NAV3: variants seen among roughly 807,000 people sequenced by gnomAD.
The protein encoded by NAV3 is pore membrane and/or filament interacting like protein 1.
A neutral mutation model predicts 244.7 loss-of-function variants in NAV3; 87 were observed. That is an observed-to-expected ratio of 0.36 (90% CI 0.30 to 0.42). The LOEUF (loss-of-function observed/expected upper bound fraction) is 0.42. Among genes scored for constraint, NAV3 ranks in the 20% least tolerant of loss-of-function variants. NAV3 has a pLI of 1.00. For synonymous variants in NAV3, 1,126 were observed against 1,042.2 expected, an observed-to-expected ratio of 1.08 and a Z score of -1.55; for missense variants, 2,663 against 2,893.3, an observed-to-expected ratio of 0.92 and a Z score of 1.83.
intron 12 of NAV3, among the ~76,000 whole-genome samples, chr12:78,109,885 C>T (rs754955765): frequency 1.3e-5 from 2 of 151,902 alleles, no homozygotes; most frequent in African/African-American, 2.4e-5. Context: ...AGAACTGGAA[C>T]AAGACAAGGA....
At chr12:77,610,264 GC>G (rs1227863032) in intron 2 of NAV3, among the ~76,000 whole-genome samples, 7 of 152,030 alleles carry the variant, frequency 4.6e-5, no homozygotes, top group Non-Finnish European at 7.4e-5. Flanking sequence ...AACCTCAAGT[GC>G]TGTCATGTAG....
chr12:77,855,760 C>T (rs1011581915), intron 1 of NAV3, among the ~76,000 whole-genome samples: 1 of 152,170 alleles, frequency 6.6e-6, no homozygotes, highest in Non-Finnish European at 1.5e-5. Context: ...GGGCCCTAGC[C>T]GACAGCTAGC....
chr12:78,007,780 A>G (rs887754209), intron 8 of NAV3, among the ~76,000 whole-genome samples: 2 of 152,212 alleles, frequency 1.3e-5, no homozygotes, highest in Non-Finnish European at 2.9e-5. Context: ...TTCTATTACT[A>G]GCGGCAGACT....
intron 2 of NAV3, among the ~76,000 whole-genome samples, chr12:77,633,596 A>G (rs1431466709): frequency 6.6e-6 from 1 of 152,138 alleles, no homozygotes; most frequent in Non-Finnish European, 1.5e-5. Flanking sequence ...TTCACTTAAA[A>G]TATTTAAGGA....
At chr12:77,752,746 G>T (rs1403720767) in intron 2 of NAV3, among the ~76,000 whole-genome samples, 1 of 152,052 alleles carries the variant, frequency 6.6e-6, no homozygotes. Flanking sequence ...AATTAAATAA[G>T]GCAAGCGACT....
chr12:77,625,457 C>A (rs914788834), intron 2 of NAV3, among the ~76,000 whole-genome samples: 1 of 150,324 alleles, frequency 6.7e-6, no homozygotes. Flanking sequence ...GGCTCGAGCT[C>A]CTTAAAGAAA....
chr12:77,915,106 C>G (rs1886994169), intron 1 of NAV3, among the ~76,000 whole-genome samples: 1 of 152,038 alleles, frequency 6.6e-6, no homozygotes, highest in Non-Finnish European at 1.5e-5. Context: ...ATCTTCTTCT[C>G]TTCCTTCTCT....
intron 1 of NAV3, among the ~76,000 whole-genome samples, chr12:77,837,601 G>A (rs1299172591): frequency 6.6e-6 from 1 of 152,138 alleles, no homozygotes; most frequent in Non-Finnish European, 1.5e-5. Flanking sequence ...GAATGTGGTA[G>A]AATAGAGATT....
intron 1 of NAV3, among the ~76,000 whole-genome samples, chr12:77,909,339 C>G (rs1407142435): frequency 1.3e-5 from 2 of 151,924 alleles, no homozygotes; most frequent in Non-Finnish European, 2.9e-5. Context: ...AGAGCTTTGT[C>G]CATCCGGGTA....
chr12:77,859,847 T>A (rs1878993629), intron 1 of NAV3, among the ~76,000 whole-genome samples: 1 of 151,250 alleles, frequency 6.6e-6, no homozygotes, highest in South Asian at 2.1e-4. Flanking sequence ...ATGATAATTT[T>A]GCCCTGAATT....
intron 9 of NAV3, among the ~76,000 whole-genome samples, chr12:78,023,653 T>C (rs1877522318): frequency 6.6e-6 from 1 of 152,178 alleles, no homozygotes; most frequent in Non-Finnish European, 1.5e-5. Context: ...TGAGATTTCC[T>C]GGAAGAATTG....
intron 2 of NAV3, among the ~76,000 whole-genome samples, chr12:77,758,210 C>T (rs1238157337): frequency 6.6e-6 from 1 of 152,126 alleles, no homozygotes; most frequent in Non-Finnish European, 1.5e-5. Flanking sequence ...ACTCTCTATC[C>T]TTTTACCTGG....
chr12:78,042,391 T>A (rs772162619), intron 9 of NAV3, among the ~76,000 whole-genome samples: 1 of 152,244 alleles, frequency 6.6e-6, no homozygotes, highest in Non-Finnish European at 1.5e-5. Context: ...CTAGTATCAT[T>A]GGTAGAACTG....
At chr12:78,139,538 T>C in intron 19 of NAV3, among the ~76,000 whole-genome samples, 1 of 152,148 alleles carries the variant, frequency 6.6e-6, no homozygotes, top group Non-Finnish European at 1.5e-5. Context: ...AACATACTAC[T>C]CCATAGTAAA....
At chr12:78,047,212 G>T (rs7134913) in intron 9 of NAV3, among the ~76,000 whole-genome samples, 3 of 152,268 alleles carry the variant, frequency 2.0e-5, no homozygotes, top group African/African-American at 7.2e-5. Flanking sequence ...TTGAGGCCAG[G>T]TGCGGTGGCT....
intron 23 of NAV3, among the ~76,000 whole-genome samples, chr12:78,165,876 C>G (rs1274465245): frequency 6.6e-6 from 1 of 151,046 alleles, no homozygotes; most frequent in African/African-American, 2.4e-5. Flanking sequence ...ACTGATTTAG[C>G]CAAAATAAGA....
chr12:77,811,721 AGAC>A (rs1469665982), intron 2 of NAV3, among the ~76,000 whole-genome samples: 1 of 152,212 alleles, frequency 6.6e-6, no homozygotes, highest in African/African-American at 2.4e-5. Flanking sequence ...GAAGGTCTTA[AGAC>A]AATGGCATTA....
intron 1 of NAV3, among the ~76,000 whole-genome samples, chr12:77,918,909 C>A (rs1189906727): frequency 1.3e-5 from 2 of 152,016 alleles, no homozygotes; most frequent in South Asian, 4.2e-4. Flanking sequence ...GAAATAGACT[C>A]CATATCATAT....
chr12:78,017,763 A>G (rs1876471987), intron 8 of NAV3, among the ~76,000 whole-genome samples: 1 of 152,142 alleles, frequency 6.6e-6, no homozygotes, highest in Non-Finnish European at 1.5e-5. Flanking sequence ...CAACCCAAAT[A>G]TTTTTATTTA....
Sources: allele counts gnomAD v4.1 joint callset (sites outside exome capture counted in the v4.1 genomes callset), GRCh38; gene constraint gnomAD v4.1.1; transcripts MANE v1.5; gene names NCBI Gene and HGNC (gene_info 2026-07-23, HGNC 2026-07-21).